The following GABPB2 variants were observed in gnomAD, a reference collection of about 807,000 sequenced individuals.
GABPB2 encodes the protein GA-binding protein subunit beta-2.
In GABPB2, 23 loss-of-function variants were observed where a neutral mutation model predicts 39.1. That is an observed-to-expected ratio of 0.59 (90% CI 0.42 to 0.83). GABPB2 has a LOEUF of 0.83. GABPB2 is among the 40% of genes least tolerant of loss of function. The pLI is 0.00. For missense variants in GABPB2, 467 were observed against 541.1 expected (o/e 0.86, Z 1.36); for synonymous variants, 184 against 199.3 (o/e 0.92, Z 0.65).
chr1:151,114,855 C>T (rs1250605947), intron 7 of GABPB2, among the ~76,000 whole-genome samples: 2 of 151,570 alleles, frequency 1.3e-5, no homozygotes, highest in African/African-American at 4.8e-5. Flanking sequence ...ACTAAAAGTA[C>T]AAAAATTAGT....
intron 1 of GABPB2, among the ~76,000 whole-genome samples, chr1:151,080,654 C>T (rs1331230618): frequency 6.6e-6 from 1 of 150,836 alleles, no homozygotes; most frequent in Non-Finnish European, 1.5e-5. Context: ...TCAAGACCAG[C>T]CTGGCCAAGA....
rs1465207325 is a variant in GABPB2, at chr1:151,117,475, C to G, written c.1006C>G (p.Pro336Ala). 2 of 1,613,884 alleles carry G rather than the reference C, an allele frequency of 1.2e-6. No individual in the cohort carries two copies. Among genetic ancestry groups the G allele is most frequent in the South Asian group, 1.1e-5 (1 of 91,072 alleles). The change falls in exon 8 of 9, where the codon CCA becomes GCA. Residue 336 changes from proline (P) to alanine (A), a missense_variant. Physicochemically the swap from Pro to Ala is conservative, Grantham distance 27. Coordinates refer to ENST00000368918, the MANE Select transcript of GABPB2 (RefSeq NM_144618.3). The stretch of plus-strand genomic sequence containing the variant: ...AGAGAAGTTGCCACTAACAAAGAAA[C>G]CAAGGATAGGAGAGAAGACAAACAG... ...EEEKLPLTKKPRIGEKTNSVE... is the reference protein window; with the variant it reads ...EEEKLPLTKKARIGEKTNSVE...
intron 1 of GABPB2, among the ~76,000 whole-genome samples, chr1:151,078,236 C>T (rs1677353244): frequency 6.7e-6 from 1 of 150,008 alleles, no homozygotes; most frequent in African/African-American, 2.5e-5. Context: ...CACCACTGCA[C>T]TCCAGCCTGG....
chr1:151,111,411 A>AT (rs587688934), intron 7 of GABPB2, among the ~76,000 whole-genome samples: 18 of 119,582 alleles, frequency 1.5e-4, no homozygotes, highest in African/African-American at 3.0e-4. Context: ...CCCCCCACTA[A>AT]TTTTTTTTTT....
At chr1:151,104,333 T>A (rs1475149474) in intron 6 of GABPB2, among the ~76,000 whole-genome samples, 1 of 152,224 alleles carries the variant, frequency 6.6e-6, no homozygotes, top group Non-Finnish European at 1.5e-5. Context: ...TCTGGAACCC[T>A]CTGGCCATCT....
chr1:151,106,670 C>G (rs1315966699), intron 6 of GABPB2, among the ~76,000 whole-genome samples: 2 of 152,314 alleles, frequency 1.3e-5, no homozygotes, highest in Middle Eastern at 3.4e-3. Context: ...GTTGGAGAAT[C>G]ACACCCTGTT....
intron 2 of GABPB2, among the ~76,000 whole-genome samples, chr1:151,088,872 C>A (rs778492837): frequency 6.6e-6 from 1 of 152,048 alleles, no homozygotes; most frequent in African/African-American, 2.4e-5. Context: ...TGGTGGCGCA[C>A]GCCTGTAATC....
chr1:151,107,611 G>T (rs1326989887), intron 7 of GABPB2, among the ~76,000 whole-genome samples: 1 of 151,830 alleles, frequency 6.6e-6, no homozygotes, highest in Non-Finnish European at 1.5e-5. Flanking sequence ...ACGCACCCGG[G>T]TTCACCGCGC....
chr1:151,075,408 C>G (rs1219946885), intron 1 of GABPB2, among the ~76,000 whole-genome samples: 1 of 151,416 alleles, frequency 6.6e-6, no homozygotes, highest in African/African-American at 2.4e-5. Flanking sequence ...ACTAAAAATA[C>G]AAAAAATTAG....
Position 151,098,053 on chromosome 1 carries a change from C to A in GABPB2, c.622+51C>A, listed in dbSNP as rs768689361. The A allele has an allele frequency of 8.4e-6, 13 of 1,541,000 alleles. No homozygotes were observed. In the African/African-American group the frequency reaches 1.5e-4, roughly 18 times the overall value. On this transcript the variant is annotated intron_variant, in intron 5 of 8. Coordinates refer to ENST00000368918, the MANE Select transcript of GABPB2 (RefSeq NM_144618.3). Reference sequence around the variant, plus strand: ...ATTTTAGACTCAAAAAAGAACAGAACCCTAGATTTTCCAGGAGATGAATGG... The same window carrying A: ...ATTTTAGACTCAAAAAAGAACAGAAACCTAGATTTTCCAGGAGATGAATGG...
Position 151,090,556 on chromosome 1 carries a change from G to C in GABPB2, c.259G>C (p.Val87Leu). The C allele has an allele frequency of 6.2e-7, 1 of 1,613,752 alleles. No individual in the cohort carries two copies. Among genetic ancestry groups the C allele is most frequent in the Non-Finnish European group, 8.5e-7 (1 of 1,179,826 alleles). Residue 87 changes from valine (V) to leucine (L), a missense_variant, in exon 3 of 9, where the codon GTG (valine) becomes CTG (leucine). Val to Leu is a conservative substitution (Grantham distance 32). Transcript: ENST00000368918. Reference protein sequence around the residue: ...MAAADGHAHIVELLVRNGADV... With the variant: ...MAAADGHAHILELLVRNGADV... ...TGCAGCCGATGGACATGCGCACATC[G>C]TGGAACTGCTTGTTCGGGTAAAGCA...
intron 1 of GABPB2, among the ~76,000 whole-genome samples, chr1:151,083,889 C>T (rs966577801): frequency 5.3e-5 from 8 of 150,136 alleles, no homozygotes; most frequent in South Asian, 2.1e-4. Flanking sequence ...TACAGGCACC[C>T]GCCACCATGC....
chr1:151,086,610 A>G (rs1488791269), intron 1 of GABPB2, among the ~76,000 whole-genome samples: 1 of 152,132 alleles, frequency 6.6e-6, no homozygotes, highest in Non-Finnish European at 1.5e-5. Flanking sequence ...TCCATAAACC[A>G]TATTTGTTGA....
chr1:151,071,113 G>A (rs34061869), intron 1 of GABPB2, among the ~76,000 whole-genome samples, 179 bp downstream of exon 1: 7,617 of 152,006 alleles, frequency 0.05, 229 homozygotes, highest in Middle Eastern at 0.13. Context: ...AGGGGATGCT[G>A]TCGGGAGGAA....
intron 2 of GABPB2, among the ~76,000 whole-genome samples, chr1:151,089,500 C>G (rs928102983): frequency 6.6e-6 from 1 of 152,138 alleles, no homozygotes; most frequent in African/African-American, 2.4e-5. Context: ...TACATCATTG[C>G]TAAATTTTTA....
At chr1:151,078,139 A>G (rs1677346827) in intron 1 of GABPB2, among the ~76,000 whole-genome samples, 2 of 150,734 alleles carry the variant, frequency 1.3e-5, no homozygotes, top group African/African-American at 4.9e-5. Context: ...TTGTGGTGGC[A>G]CGAGCCTGTA....
chr1:151,075,911 A>G (rs1343349072), intron 1 of GABPB2, among the ~76,000 whole-genome samples: 6 of 152,130 alleles, frequency 3.9e-5, no homozygotes, highest in Non-Finnish European at 8.8e-5. Context: ...ACAAAGAAAT[A>G]AAGATCCATC....
intron 5 of GABPB2, among the ~76,000 whole-genome samples, chr1:151,102,469 G>C (rs1316340415): frequency 2.0e-5 from 3 of 152,122 alleles, no homozygotes; most frequent in Non-Finnish European, 4.4e-5. Context: ...TTGAGATGGA[G>C]TCTTTCTCTG....
intron 4 of GABPB2, among the ~76,000 whole-genome samples, chr1:151,095,023 AATT>A (rs1679004570): frequency 6.6e-6 from 1 of 151,374 alleles, no homozygotes; most frequent in East Asian, 2.0e-4. Context: ...AAAAAAAAAA[AATT>A]AATAGGACAT....
Sources: allele counts gnomAD v4.1 joint callset (sites outside exome capture counted in the v4.1 genomes callset), GRCh38; gene constraint gnomAD v4.1.1; transcripts MANE v1.5; gene names NCBI Gene and HGNC (gene_info 2026-07-23, HGNC 2026-07-21).